The following CUL4A variants were observed in gnomAD, a reference collection of about 807,000 sequenced individuals.
CUL4A encodes the protein cullin-4A.
In CUL4A, 16 loss-of-function variants were observed where a neutral mutation model predicts 95.5. That is an observed-to-expected ratio of 0.17 (90% CI 0.11 to 0.25). CUL4A has a LOEUF of 0.25. Ranked by LOEUF, CUL4A falls within the 10% of genes least tolerant of loss-of-function variation. The pLI, the probability that CUL4A is intolerant of heterozygous loss-of-function variation, is 1.00. For synonymous variants in CUL4A, 380 were observed against 353.1 expected (o/e 1.08, Z -0.85); for missense variants, 610 against 937.0 (o/e 0.65, Z 4.56).
chr13:113,215,657 G>T (rs117674493), intron 2 of CUL4A, among the ~76,000 whole-genome samples: 130 of 151,126 alleles, frequency 8.6e-4, no homozygotes, highest in Non-Finnish European at 1.7e-3. Flanking sequence ...CATCCATGTG[G>T]CTCTGAAGGT....
chr13:113,233,941 T>C lies in CUL4A; in HGVS notation c.720T>C (p.Asn240=). Residue 240 remains asparagine, a synonymous_variant, in exon 7 of 20, where the codon AAT becomes AAC. Transcript: ENST00000375440. ...AACTGAAATTTTTGGAAGAGACTAA[T>C]TGCTTATATGCTGCCGAAGGCCAAA... is the stretch of plus-strand genomic sequence containing the variant. ...SFELKFLEET[N]CLYAAEGQRL... The C allele has an allele frequency of 6.2e-7, 1 of 1,612,144 alleles. No individual in the cohort carries two copies. The highest frequency in any genetic ancestry group is 1.3e-5 in the African/African-American group (1 of 75,012).
intron 1 of CUL4A, 54 bp from the exon 2 acceptor site, chr13:113,209,919 C>G (rs531118540): frequency 7.2e-7 from 1 of 1,385,818 alleles, no homozygotes; most frequent in Non-Finnish European, 9.5e-7. Flanking sequence ...GGGGTGGCTA[C>G]GCGGGGCGCT....
intron 9 of CUL4A, among the ~76,000 whole-genome samples, chr13:113,237,932 A>T (rs1004259514): frequency 6.6e-6 from 1 of 152,214 alleles, no homozygotes; most frequent in African/African-American, 2.4e-5. Context: ...CTGTGAAATC[A>T]TTATCCCCAT....
intron 5 of CUL4A, among the ~76,000 whole-genome samples, chr13:113,232,922 G>A (rs2041408261): frequency 6.6e-6 from 1 of 152,188 alleles, no homozygotes; most frequent in Non-Finnish European, 1.5e-5. Flanking sequence ...TGTGATACCA[G>A]TTTTACTGTC....
At chr13:113,227,954 G>A in intron 3 of CUL4A, 22 bp from the exon 4 acceptor site, 10 of 1,460,402 alleles carry the variant, frequency 6.8e-6, no homozygotes, top group South Asian at 1.2e-5. Context: ...CATTTTTAAA[G>A]TTTTCCTTAG....
chr13:113,218,866 G>A (rs1486996515), intron 2 of CUL4A, 79 bp from the exon 3 acceptor site: 3 of 936,170 alleles, frequency 3.2e-6, no homozygotes, highest in East Asian at 2.5e-5. Context: ...TATGATTACA[G>A]CTATGTTAAC....
intron 15 of CUL4A, among the ~76,000 whole-genome samples, chr13:113,249,885 G>T (rs578095562): frequency 1.3e-5 from 2 of 152,100 alleles, no homozygotes; most frequent in African/African-American, 4.8e-5. Flanking sequence ...GACCATTTGC[G>T]TATCTTCTTT....
chr13:113,209,833 C>A, intron 1 of CUL4A, 58 bp downstream of exon 1: 1 of 1,166,358 alleles, frequency 8.6e-7, no homozygotes, highest in East Asian at 3.8e-5. Flanking sequence ...CCACGAGACC[C>A]CGCCCGACTT....
At chr13:113,229,376 T>C in intron 4 of CUL4A, 70 bp from the exon 5 acceptor site, 1 of 1,328,886 alleles carries the variant, frequency 7.5e-7, no homozygotes. Flanking sequence ...AGCATGGAGT[T>C]AAAAGGCCTG....
intron 10 of CUL4A, among the ~76,000 whole-genome samples, chr13:113,241,283 A>T (rs1192838940): frequency 6.6e-6 from 1 of 152,216 alleles, no homozygotes; most frequent in Non-Finnish European, 1.5e-5. Context: ...TCAGTGAGTG[A>T]CCATCACCCC....
chr13:113,209,747 C>T lies in CUL4A; in HGVS notation c.120C>T (p.Ser40=). 2.6e-6 allele frequency: 3 copies of T among 1,174,672 alleles called. No individual in the cohort carries two copies. Among genetic ancestry groups the T allele is most frequent in the Non-Finnish European group, 3.2e-6 (3 of 951,224 alleles). 72.8% of individuals were successfully genotyped at this position (1,174,672 alleles called of 1,614,324 possible). ...APAKPGGAGG[S]KKLVIKNFRD... The stretch of plus-strand genomic sequence containing the variant: ...CCAAGCCGGGGGGCGCGGGCGGCTC[C>T]AAGAAGCTGGTCATCAAGAACTTCC... The change falls in exon 1 of 20, where the codon TCC becomes TCT. Residue 40 remains serine, a synonymous_variant. Transcript: ENST00000375440.
intron 18 of CUL4A, 91 bp downstream of exon 18, chr13:113,255,216 A>G: frequency 1.1e-6 from 1 of 885,344 alleles, no homozygotes; most frequent in Non-Finnish European, 1.7e-6. Flanking sequence ...AGAGGCCTGA[A>G]GCACATTTCT....
intron 15 of CUL4A, among the ~76,000 whole-genome samples, chr13:113,251,702 CCCTTA>C (rs1331110059): frequency 1.3e-5 from 2 of 152,256 alleles, no homozygotes; most frequent in African/African-American, 4.8e-5. Context: ...TGCTTTTTTC[CCCTTA>C]CCTTCTGCCA....
chr13:113,233,251 T>C lies in CUL4A; in HGVS notation c.587T>C (p.Ile196Thr). 2 of 1,614,112 alleles carry C rather than the reference T, an allele frequency of 1.2e-6. No homozygotes were observed. The highest frequency in any genetic ancestry group is 1.7e-6 in the Non-Finnish European group (2 of 1,180,022). ...KMVQSKTIDG[I>T]LLLIERERSG... ...GTTCAGAGTAAAACCATTGATGGAATCCTACTGCTGATCGAGCGCGAGAGG... is the reference window on the plus strand; with the variant it reads ...GTTCAGAGTAAAACCATTGATGGAACCCTACTGCTGATCGAGCGCGAGAGG... The change falls in exon 6 of 20, where the codon ATC (isoleucine) becomes ACC (threonine). Residue 196 changes from isoleucine to threonine, a missense_variant. By Grantham distance (89) the Ile-to-Thr change is moderately conservative (BLOSUM62 -1). This residue lies in a region of CUL4A where 97 missense variants were observed against 100.3 expected (regional missense o/e 0.97). Coordinates refer to ENST00000375440, the MANE Select transcript of CUL4A (RefSeq NM_001008895.4).
intron 19 of CUL4A, among the ~76,000 whole-genome samples, chr13:113,262,673 C>T (rs900926774): frequency 3.9e-5 from 6 of 152,176 alleles, no homozygotes; most frequent in Non-Finnish European, 8.8e-5. Context: ...AAATAAAATA[C>T]ACTACTTAGG....
chr13:113,231,953 G>A (rs973955851), intron 5 of CUL4A, among the ~76,000 whole-genome samples: 3 of 150,534 alleles, frequency 2.0e-5, no homozygotes, highest in Non-Finnish European at 3.0e-5. Context: ...TGCCACCACT[G>A]CCACCATAAT....
chr13:113,225,459 T>C (rs1475827305), intron 3 of CUL4A, among the ~76,000 whole-genome samples: 2 of 152,250 alleles, frequency 1.3e-5, no homozygotes, highest in South Asian at 2.1e-4. Context: ...TACAGAGCTA[T>C]TTTAGAGGAA....
chr13:113,243,271 C>T (rs911945358), intron 11 of CUL4A, 111 bp downstream of exon 11: 5 of 1,005,544 alleles, frequency 5.0e-6, no homozygotes, highest in South Asian at 1.7e-5. Context: ...AATGTTCAAG[C>T]TGCTCAAGGG....
chr13:113,229,956 G>A (rs1338275661), intron 5 of CUL4A: 2 of 368,790 alleles, frequency 5.4e-6, no homozygotes, highest in Non-Finnish European at 9.6e-6. Context: ...CTCATCGTCC[G>A]TCATCTTTCG....
Sources: allele counts gnomAD v4.1 joint callset (sites outside exome capture counted in the v4.1 genomes callset), GRCh38; gene constraint gnomAD v4.1.1; regional missense constraint gnomAD v4.1.1; transcripts MANE v1.5; gene names NCBI Gene and HGNC (gene_info 2026-07-23, HGNC 2026-07-21).